Variants in ZPLD1 observed in about 807,000 individuals in gnomAD.
ZPLD1 encodes the protein zona pellucida-like domain-containing protein 1.
A neutral mutation model predicts 47.2 loss-of-function variants in ZPLD1; 34 were observed. The ratio of observed to expected loss-of-function variants is 0.72; its 90% CI spans 0.55 to 0.96. ZPLD1 has a LOEUF of 0.96. ZPLD1 is among the 40% of genes least tolerant of loss of function. ZPLD1 has a pLI of 0.00. For missense variants in ZPLD1, 512 were observed against 505.8 expected (o/e 1.01, Z -0.12); for synonymous variants, 176 against 186.2 (o/e 0.95, Z 0.45).
chr3:102,433,112 C>T (rs1707036487), upstream of ZPLD1, among the ~76,000 whole-genome samples: 1 of 152,150 alleles, frequency 6.6e-6, no homozygotes. Flanking sequence ...ACCTCAGCAT[C>T]CCCCCACTCC....
At chr3:102,398,731 G>A (rs908562110) in intron 7 of ZPLD1, among the ~76,000 whole-genome samples, 2 of 152,066 alleles carry the variant, frequency 1.3e-5, no homozygotes, top group Admixed American at 1.3e-4. Context: ...AGCATATTTA[G>A]TAAAGATCAT....
At chr3:102,459,680 C>T (rs1381880109) in intron 6 of ZPLD1, among the ~76,000 whole-genome samples, 1 of 152,104 alleles carries the variant, frequency 6.6e-6, no homozygotes, top group Non-Finnish European at 1.5e-5. Context: ...AAATACTTCT[C>T]TTTTTAAATC....
chr3:102,454,653 C>T (rs1476009558), intron 4 of ZPLD1, among the ~76,000 whole-genome samples: 2 of 152,130 alleles, frequency 1.3e-5, no homozygotes, highest in Non-Finnish European at 2.9e-5. Context: ...GTCAGGAGTT[C>T]GAGACCAGCC....
At chr3:102,448,523 A>G (rs1576153887) in intron 3 of ZPLD1, among the ~76,000 whole-genome samples, 1 of 152,176 alleles carries the variant, frequency 6.6e-6, no homozygotes, top group East Asian at 1.9e-4. Flanking sequence ...AGTACCTACA[A>G]CCAGGAAAAG....
At chr3:102,433,764 C>T (rs568224673), upstream of ZPLD1, among the ~76,000 whole-genome samples, 11 of 152,198 alleles carry the variant, frequency 7.2e-5, no homozygotes, top group African/African-American at 2.6e-4. Context: ...CTCCTGACCT[C>T]GTGATACACC....
chr3:102,427,359 C>T (rs1420759212), intron 8 of ZPLD1, among the ~76,000 whole-genome samples: 1 of 152,088 alleles, frequency 6.6e-6, no homozygotes, highest in African/African-American at 2.4e-5. Flanking sequence ...GGAGATTAGG[C>T]TGTAAGATCT....
At chr3:102,443,735 G>T (rs942013964) in intron 3 of ZPLD1, among the ~76,000 whole-genome samples, 6 of 152,172 alleles carry the variant, frequency 3.9e-5, no homozygotes, top group Non-Finnish European at 7.3e-5. Flanking sequence ...AAAATGAACT[G>T]TCTAATTTTA....
At chr3:102,440,573 A>G (rs1262309236) in intron 3 of ZPLD1, among the ~76,000 whole-genome samples, 1 of 152,154 alleles carries the variant, frequency 6.6e-6, no homozygotes, top group East Asian at 1.9e-4. Flanking sequence ...TCTTTTATTC[A>G]GTAGTAGGAA....
chr3:102,393,280 C>T (rs888126528), intron 7 of ZPLD1, among the ~76,000 whole-genome samples: 2 of 152,084 alleles, frequency 1.3e-5, no homozygotes, highest in African/African-American at 2.4e-5. Context: ...ATATTAAGCG[C>T]TTAACTGTGC....
At chr3:102,434,642 C>T (rs1314039935), upstream of ZPLD1, among the ~76,000 whole-genome samples, 1 of 152,138 alleles carries the variant, frequency 6.6e-6, no homozygotes, top group Non-Finnish European at 1.5e-5. Context: ...CTTTTGCACA[C>T]ATATCTTCAA....
At chr3:102,472,858 A>G (rs1005507798) in intron 10 of ZPLD1, among the ~76,000 whole-genome samples, 3 of 152,220 alleles carry the variant, frequency 2.0e-5, no homozygotes, top group African/African-American at 7.2e-5. Flanking sequence ...ATAATTTTTT[A>G]GCTGTATTCC....
At chr3:102,473,163 A>G (rs1323977981) in intron 10 of ZPLD1, among the ~76,000 whole-genome samples, 1 of 152,208 alleles carries the variant, frequency 6.6e-6, no homozygotes, top group African/African-American at 2.4e-5. Context: ...GGTATTATGG[A>G]AGCTATAATT....
chr3:102,445,669 AGTGCTG>A (rs1707245722), intron 3 of ZPLD1, among the ~76,000 whole-genome samples: 1 of 152,222 alleles, frequency 6.6e-6, no homozygotes, highest in African/African-American at 2.4e-5. Flanking sequence ...AAGTATAAGA[AGTGCTG>A]GTTAGAACAT....
chr3:102,458,288 T>C (rs1207684534), intron 6 of ZPLD1, among the ~76,000 whole-genome samples: 1 of 152,190 alleles, frequency 6.6e-6, no homozygotes, highest in Non-Finnish European at 1.5e-5. Flanking sequence ...ATATTTTCAA[T>C]ATGGGTTTTG....
At chr3:102,451,249 A>G (rs571414985) in intron 3 of ZPLD1, among the ~76,000 whole-genome samples, 1 of 152,332 alleles carries the variant, frequency 6.6e-6, no homozygotes, top group Non-Finnish European at 1.5e-5. Context: ...CTACTGTTAA[A>G]TTAGGACTGA....
intron 8 of ZPLD1, among the ~76,000 whole-genome samples, chr3:102,466,285 C>A (rs992766486): frequency 6.6e-6 from 1 of 152,082 alleles, no homozygotes; most frequent in South Asian, 2.1e-4. Flanking sequence ...GTTGGGGAAA[C>A]CCTTAAGGAA....
chr3:102,463,206 T>C (rs1288880126), intron 7 of ZPLD1, among the ~76,000 whole-genome samples: 1 of 152,192 alleles, frequency 6.6e-6, no homozygotes, highest in Admixed American at 6.5e-5. Flanking sequence ...TCTAACCTTG[T>C]GGAGGAAGGC....
At chr3:102,471,600 T>G (rs931073478) in intron 10 of ZPLD1, among the ~76,000 whole-genome samples, 1 of 152,208 alleles carries the variant, frequency 6.6e-6, no homozygotes, top group Non-Finnish European at 1.5e-5. Context: ...TTTTGTAGAT[T>G]TAAGTCAGTG....
chr3:102,443,869 C>T (rs965809689), intron 3 of ZPLD1, among the ~76,000 whole-genome samples: 2 of 152,192 alleles, frequency 1.3e-5, no homozygotes, highest in African/African-American at 4.8e-5. Flanking sequence ...GCCAATTCTC[C>T]TTTATTCCTA....
Sources: gnomAD v4.1 joint callset for allele counts (sites outside exome capture counted in the v4.1 genomes callset) on GRCh38, gnomAD v4.1.1 for gene constraint, MANE v1.5 for transcripts, NCBI Gene and HGNC (gene_info 2026-07-23, HGNC 2026-07-21) for gene names.